The following MAMDC2 variants were observed in gnomAD, a reference collection of about 807,000 sequenced individuals.
MAMDC2 encodes MAM domain-containing protein 2.
A neutral mutation model predicts 89.8 loss-of-function variants in MAMDC2; 57 were observed. The ratio of observed to expected loss-of-function variants is 0.63; its 90% confidence interval spans 0.51 to 0.79. The LOEUF is 0.79. Among genes scored for constraint, MAMDC2 ranks in the 30% least tolerant of loss-of-function variants. The probability of loss-of-function intolerance (pLI) is 0.00; values close to 1 mark genes in which losing one functional copy is unlikely to be tolerated. For synonymous variants in MAMDC2, 313 were observed against 293.4 expected (o/e 1.07, Z -0.68); for missense variants, 800 against 820.6 (o/e 0.97, Z 0.31).
intron 2 of MAMDC2, among the ~76,000 whole-genome samples, chr9:70,104,733 G>A (rs192306992): frequency 6.6e-6 from 1 of 152,262 alleles, no homozygotes; most frequent in African/African-American, 2.4e-5. Flanking sequence ...TTCCAGAATA[G>A]GCAAGTTCAG....
chr9:70,143,417 A>G, intron 8 of MAMDC2, 137 bp from the exon 9 acceptor site: 1 of 921,154 alleles, frequency 1.1e-6, no homozygotes. Flanking sequence ...TAAGCCACAG[A>G]CATTAGAAAA....
At chr9:70,062,456 T>C (rs1460211900) in intron 2 of MAMDC2, 1 of 152,216 alleles carries the variant, frequency 6.6e-6, no homozygotes, top group African/African-American at 2.4e-5. Context: ...GTCACCACCA[T>C]AATTTATAGC....
intron 2 of MAMDC2, among the ~76,000 whole-genome samples, chr9:70,052,926 G>A (rs1397934042): frequency 6.6e-6 from 1 of 152,068 alleles, no homozygotes; most frequent in East Asian, 1.9e-4. Context: ...AAAAGCTCTT[G>A]GATTATTTAC....
intron 2 of MAMDC2, among the ~76,000 whole-genome samples, chr9:70,081,327 G>C (rs1827649212): frequency 6.6e-6 from 1 of 152,110 alleles, no homozygotes. Context: ...GTCCTGGAGG[G>C]GGAGGGAATG....
chr9:70,200,554 C>T (rs1257771628), intron 11 of MAMDC2, among the ~76,000 whole-genome samples: 9 of 151,222 alleles, frequency 6.0e-5, no homozygotes, highest in South Asian at 2.1e-4. Context: ...TGGTTCCATA[C>T]GAACTTTAAA....
chr9:70,120,804 CTT>C (rs1006517681), intron 5 of MAMDC2, among the ~76,000 whole-genome samples: 5 of 152,216 alleles, frequency 3.3e-5, no homozygotes, highest in African/African-American at 1.2e-4. Flanking sequence ...TAGAGTCTGA[CTT>C]TATCATAGTA....
intron 3 of MAMDC2, chr9:70,109,226 C>T (rs1354811554): frequency 6.5e-6 from 1 of 153,830 alleles, no homozygotes; most frequent in East Asian, 1.9e-4. Flanking sequence ...TGCTTGGAGT[C>T]CTTCCCTGTC....
chr9:70,137,383 T>C (rs2031049220), intron 7 of MAMDC2, among the ~76,000 whole-genome samples: 2 of 152,164 alleles, frequency 1.3e-5, no homozygotes, highest in South Asian at 4.1e-4. Context: ...TCAGCATAAC[T>C]ATAGGATAAT....
At chr9:70,166,322 C>A (rs2032176615) in intron 9 of MAMDC2, among the ~76,000 whole-genome samples, 1 of 145,684 alleles carries the variant, frequency 6.9e-6, no homozygotes, top group African/African-American at 2.5e-5. Context: ...TATATACATA[C>A]ACATATATAT....
chr9:70,160,265 T>G (rs556935254), intron 9 of MAMDC2, among the ~76,000 whole-genome samples: 45 of 152,042 alleles, frequency 3.0e-4, no homozygotes, highest in African/African-American at 1.0e-3. Flanking sequence ...CCTGCCCTCT[T>G]GAGGAGTACA....
chr9:70,103,905 C>G (rs528460160), intron 2 of MAMDC2, among the ~76,000 whole-genome samples: 20 of 151,784 alleles, frequency 1.3e-4, no homozygotes, highest in Admixed American at 5.2e-4. Context: ...TTGCTTGAGC[C>G]CAGGAGGTGG....
intron 7 of MAMDC2, 92 bp downstream of exon 7, chr9:70,131,704 CAT>C: frequency 3.3e-6 from 3 of 899,008 alleles, no homozygotes; most frequent in Admixed American, 4.9e-5. Context: ...TTTTAATTTT[CAT>C]ATCTTTCCCC....
intron 7 of MAMDC2, among the ~76,000 whole-genome samples, chr9:70,133,976 T>C (rs2030908681): frequency 6.6e-6 from 1 of 152,210 alleles, no homozygotes; most frequent in African/African-American, 2.4e-5. Context: ...CTTTAGAAGC[T>C]GAGCCTTTTA....
rs41286035 is a variant in MAMDC2 at position 70,226,489 on chromosome 9, A to T, written c.*457A>T. On this transcript the variant is annotated 3_prime_UTR_variant, in exon 14 of 14. Transcript: ENST00000377182. Reference sequence around the variant, plus strand: ...TCAGTAATATCTGCAGAATGAATGCAGTCTTTCATGCTAATGAGTTAGTCT... The same window carrying T: ...TCAGTAATATCTGCAGAATGAATGCTGTCTTTCATGCTAATGAGTTAGTCT... 0.01 allele frequency: 1,538 copies of T among 152,740 alleles called. 13 individuals carry two copies. The highest frequency in any genetic ancestry group is 0.014 in the Non-Finnish European group (920 of 68,016). The allele number at this position is 152,740 out of a possible 1,614,324, so 9.5% of individuals were successfully genotyped here. A position where few individuals can be genotyped will look rare whatever the true frequency, so the allele number is the denominator to read the frequency against.
At chr9:70,215,004 T>A (rs1202260673) in intron 11 of MAMDC2, among the ~76,000 whole-genome samples, 1 of 152,102 alleles carries the variant, frequency 6.6e-6, no homozygotes, top group East Asian at 1.9e-4. Context: ...AAAATTTGAG[T>A]TTGAGATATA....
Position 70,043,965 on chromosome 9 carries a change from G to A in MAMDC2, c.-233G>A. The stretch of plus-strand genomic sequence containing the variant: ...GGCCGCGGTCTGACCTGAGGCTGCT[G>A]CTCAGCGCCGGGGCGCTGGCGCTCT... On this transcript the variant is annotated 5_prime_UTR_variant, in exon 1 of 14. Coordinates refer to ENST00000377182, the MANE Select transcript of MAMDC2 (RefSeq NM_153267.5). The A allele has an allele frequency of 1.7e-6, 1 of 601,594 alleles. No homozygotes were observed. The highest frequency in any genetic ancestry group is 3.0e-6 in the Non-Finnish European group (1 of 338,970). 37.3% of individuals were successfully genotyped at this position (601,594 alleles called of 1,614,324 possible).
chr9:70,112,980 G>C lies in MAMDC2; in HGVS notation c.506-15G>C. ...GACTGTGTCTCCATGAAGTGTTTTT[G>C]TTTCCCTTCCCCAGAATGTGACTTT... is the stretch of plus-strand genomic sequence containing the variant. On this transcript the variant is annotated splice_polypyrimidine_tract_variant and intron_variant, in intron 4 of 13. Transcript: ENST00000377182. 1 of 1,613,974 alleles carries C rather than the reference G, an allele frequency of 6.2e-7. No homozygotes were observed. The highest frequency in any genetic ancestry group is 8.5e-7 in the Non-Finnish European group (1 of 1,179,922).
intron 2 of MAMDC2, among the ~76,000 whole-genome samples, chr9:70,093,182 C>A (rs1827944946): frequency 6.6e-6 from 1 of 152,116 alleles, no homozygotes; most frequent in Non-Finnish European, 1.5e-5. Context: ...GTATATAACT[C>A]TTTTGTTTGA....
chr9:70,190,487 G>C (rs1367354860), intron 11 of MAMDC2, among the ~76,000 whole-genome samples: 1 of 151,874 alleles, frequency 6.6e-6, no homozygotes, highest in Non-Finnish European at 1.5e-5. Context: ...TTACAACTTT[G>C]CCTTAGCCTC....
Sources: gnomAD v4.1 joint callset for allele counts (sites outside exome capture counted in the v4.1 genomes callset) on GRCh38, gnomAD v4.1.1 for gene constraint, MANE v1.5 for transcripts, NCBI Gene and HGNC (gene_info 2026-07-23, HGNC 2026-07-21) for gene names.